TLL1: variants seen among roughly 807,000 people sequenced by gnomAD.
The protein encoded by TLL1 is tolloid like 1.
A neutral mutation model predicts 128.2 loss-of-function variants in TLL1; 49 were observed. The observed-to-expected ratio is 0.38, with a 90% confidence interval of 0.30 to 0.48. The LOEUF (loss-of-function observed/expected upper bound fraction) is 0.48, where lower values mean the gene tolerates loss of function less well. Ranked by LOEUF, TLL1 falls within the 20% of genes least tolerant of loss-of-function variation. The pLI is 0.96. For missense variants in TLL1, 1,123 were observed against 1,242.0 expected (o/e 0.90, Z 1.44); for synonymous variants, 454 against 418.8 (o/e 1.08, Z -1.03).
At chr4:165,892,699 A>C (rs1731482436) in intron 1 of TLL1, among the ~76,000 whole-genome samples, 1 of 152,246 alleles carries the variant, frequency 6.6e-6, no homozygotes. Context: ...CATATTCACT[A>C]GGAAGGCAGG....
intron 1 of TLL1, among the ~76,000 whole-genome samples, chr4:165,940,160 T>G (rs192623974): frequency 1.0e-3 from 156 of 152,126 alleles, no homozygotes; most frequent in Admixed American, 3.5e-3. Flanking sequence ...GACATTTTCA[T>G]TTATGTTTTT....
At chr4:165,979,907 T>A (rs1736071539) in intron 1 of TLL1, among the ~76,000 whole-genome samples, 1 of 152,260 alleles carries the variant, frequency 6.6e-6, no homozygotes, top group East Asian at 1.9e-4. Context: ...CATCATGATT[T>A]CTAAATAGAG....
intron 7 of TLL1, 42 bp downstream of exon 7, chr4:166,008,090 C>A: frequency 7.0e-7 from 1 of 1,432,704 alleles, no homozygotes; most frequent in Non-Finnish European, 9.8e-7. Context: ...TAATTCCTTT[C>A]CTCCATGTGG....
chr4:166,024,835 C>T (rs1041643087), intron 8 of TLL1, among the ~76,000 whole-genome samples: 1 of 151,924 alleles, frequency 6.6e-6, no homozygotes, highest in Admixed American at 6.6e-5. Flanking sequence ...TATTGTTTCA[C>T]ATTTTGATAT....
intron 1 of TLL1, among the ~76,000 whole-genome samples, chr4:165,975,561 A>G (rs922310212): frequency 8.5e-5 from 13 of 152,222 alleles, no homozygotes; most frequent in African/African-American, 3.1e-4. Context: ...AGGTGAATAT[A>G]ACTTTGATAC....
chr4:165,901,246 A>G lies in TLL1; in HGVS notation c.169+27173A>G, dbSNP rs368577615. Among the ~76,000 whole-genome samples the G allele has an allele frequency of 3.9e-5, 6 of 152,228 alleles. No individual in the cohort carries two copies. In the South Asian group the frequency reaches 1.2e-3, roughly 32 times the overall value. ...TTCTGAAGCCTACTTCTGTCAATTC[A>G]TCAAACTCATTCTCTGCCAAGTTTT... On this transcript the variant is annotated intron_variant, in intron 1 of 20. Coordinates refer to ENST00000061240, the MANE Select transcript of TLL1 (RefSeq NM_012464.5).
At chr4:165,906,308 A>G (rs1200631850) in intron 1 of TLL1, among the ~76,000 whole-genome samples, 1 of 152,228 alleles carries the variant, frequency 6.6e-6, no homozygotes, top group African/African-American at 2.4e-5. Context: ...GCTTCTTGTC[A>G]TATGTTAAGT....
intron 1 of TLL1, among the ~76,000 whole-genome samples, chr4:165,893,955 AT>A (rs1731540162): frequency 6.6e-6 from 1 of 152,182 alleles, no homozygotes; most frequent in African/African-American, 2.4e-5. Context: ...AAATTCAATC[AT>A]TGTTGTCTTG....
At chr4:166,001,711 C>T (rs1368481349) in intron 5 of TLL1, among the ~76,000 whole-genome samples, 1 of 151,168 alleles carries the variant, frequency 6.6e-6, no homozygotes, top group Non-Finnish European at 1.5e-5. Context: ...TCAGGAGAAT[C>T]ACTTGAACCT....
intron 1 of TLL1, among the ~76,000 whole-genome samples, chr4:165,984,939 C>A (rs1045004648): frequency 2.6e-5 from 4 of 151,878 alleles, no homozygotes; most frequent in African/African-American, 9.7e-5. Context: ...GCAAATTTGT[C>A]AAATAGGTAG....
chr4:165,964,015 T>C (rs914355310), intron 1 of TLL1, among the ~76,000 whole-genome samples: 1 of 152,200 alleles, frequency 6.6e-6, no homozygotes, highest in Non-Finnish European at 1.5e-5. Context: ...TATACTAGAA[T>C]CTCAAAATTT....
chr4:166,024,635 A>G (rs559395955), intron 8 of TLL1, among the ~76,000 whole-genome samples: 3 of 152,308 alleles, frequency 2.0e-5, no homozygotes, highest in Non-Finnish European at 2.9e-5. Flanking sequence ...TGCTATTTCA[A>G]ATGACTGAAA....
intron 1 of TLL1, among the ~76,000 whole-genome samples, chr4:165,886,824 G>A (rs1036682665): frequency 1.3e-5 from 2 of 152,048 alleles, no homozygotes; most frequent in African/African-American, 2.4e-5. Flanking sequence ...GGATATGGAG[G>A]GCTGACTGTT....
intron 1 of TLL1, among the ~76,000 whole-genome samples, chr4:165,960,922 T>C (rs1391786686): frequency 6.6e-6 from 1 of 152,108 alleles, no homozygotes; most frequent in African/African-American, 2.4e-5. Flanking sequence ...AAGACAAGCA[T>C]GCCTACTCTC....
At chr4:166,060,209 A>AT (rs777913469) in intron 15 of TLL1, 21 bp downstream of exon 15, 15 of 1,612,510 alleles carry the variant, frequency 9.3e-6, no homozygotes, top group Non-Finnish European at 1.3e-5. Context: ...AATAACTGTA[A>AT]TTTTTTAAAT....
At chr4:165,881,941 A>G (rs1488472417) in intron 1 of TLL1, among the ~76,000 whole-genome samples, 1 of 152,186 alleles carries the variant, frequency 6.6e-6, no homozygotes, top group Non-Finnish European at 1.5e-5. Flanking sequence ...TACTCGGAGT[A>G]TTCATTGAAT....
intron 1 of TLL1, among the ~76,000 whole-genome samples, chr4:165,959,374 C>G (rs555625468): frequency 3.3e-5 from 5 of 152,158 alleles, no homozygotes; most frequent in South Asian, 2.1e-4. Flanking sequence ...TATTTGTATC[C>G]TCTTTTATTT....
At chr4:166,020,076 A>AT (rs1738150077) in intron 8 of TLL1, among the ~76,000 whole-genome samples, 1 of 152,142 alleles carries the variant, frequency 6.6e-6, no homozygotes, top group Non-Finnish European at 1.5e-5. Flanking sequence ...TTAAGAAAGA[A>AT]TATGATCCCT....
intron 18 of TLL1, among the ~76,000 whole-genome samples, chr4:166,081,150 C>T (rs1579719004): frequency 6.6e-6 from 1 of 152,134 alleles, no homozygotes; most frequent in African/African-American, 2.4e-5. Context: ...GGTAGAAGAT[C>T]TCTAATATTA....
Sources: allele counts gnomAD v4.1 joint callset (sites outside exome capture counted in the v4.1 genomes callset), GRCh38; gene constraint gnomAD v4.1.1; transcripts MANE v1.5; gene names NCBI Gene and HGNC (gene_info 2026-07-23, HGNC 2026-07-21).